Variants in RBFOX1 observed in about 807,000 individuals in gnomAD.
RBFOX1 encodes RNA binding fox-1 homolog 1.
In RBFOX1, 8 loss-of-function variants were observed where a neutral mutation model predicts 57.7. The observed-to-expected ratio is 0.14, with a 90% CI of 0.08 to 0.25. The LOEUF (loss-of-function observed/expected upper bound fraction) is 0.25. Ranked by LOEUF, RBFOX1 falls within the 10% of genes least tolerant of loss-of-function variation. RBFOX1 has a pLI of 1.00. For synonymous variants in RBFOX1, 326 were observed against 222.4 expected (o/e 1.47, Z -4.15); for missense variants, 611 against 548.5 (o/e 1.11, Z -1.14).
chr16:7,141,156 G>A (rs2073671574), intron 4 of RBFOX1, among the ~76,000 whole-genome samples: 1 of 152,126 alleles, frequency 6.6e-6, no homozygotes, highest in South Asian at 2.1e-4. Context: ...GTCTAGACTT[G>A]CAGTCAGCTG....
Position 7,064,996 on chromosome 16 carries a change from A to G in RBFOX1, c.27+12898A>G, listed in dbSNP as rs138546488. Reference sequence around the variant, plus strand: ...TCCCTGTGTGTCACCACCACATACAACAAATCAGATGGACGCAGCAATCCT... The same window carrying G: ...TCCCTGTGTGTCACCACCACATACAGCAAATCAGATGGACGCAGCAATCCT... On this transcript the variant is annotated intron_variant, in intron 4 of 15. Coordinates refer to ENST00000550418, the MANE Select transcript of RBFOX1 (RefSeq NM_018723.4). Among the ~76,000 whole-genome samples the G allele has an allele frequency of 5.5e-3, 839 of 152,302 alleles. 8 individuals are homozygous for G. The highest frequency in any genetic ancestry group is 0.019 in the African/African-American group (789 of 41,582).
intron 4 of RBFOX1, among the ~76,000 whole-genome samples, chr16:7,226,737 C>G (rs963316752): frequency 1.3e-5 from 2 of 152,176 alleles, no homozygotes; most frequent in African/African-American, 2.4e-5. Context: ...CACAGTTAAT[C>G]AAGAGGACTG....
chr16:6,357,009 C>A (rs925950951), intron 2 of RBFOX1, among the ~76,000 whole-genome samples: 5 of 152,070 alleles, frequency 3.3e-5, no homozygotes, highest in African/African-American at 1.2e-4. Flanking sequence ...TGCCCTGGGC[C>A]AAGACTGAAC....
intron 14 of RBFOX1, among the ~76,000 whole-genome samples, chr16:7,678,591 T>G (rs572396628): frequency 1.3e-5 from 2 of 152,116 alleles, no homozygotes; most frequent in African/African-American, 4.8e-5. Flanking sequence ...TTTATCTTGC[T>G]TTTCAGTATA....
intron 4 of RBFOX1, among the ~76,000 whole-genome samples, chr16:7,070,212 C>T (rs200620014): frequency 6.6e-6 from 1 of 152,322 alleles, no homozygotes; most frequent in African/African-American, 2.4e-5. Context: ...TTTGATGGCA[C>T]AGTGTCTTGC....
chr16:7,128,923 C>A (rs555564817), intron 4 of RBFOX1, among the ~76,000 whole-genome samples: 2 of 150,858 alleles, frequency 1.3e-5, no homozygotes, highest in Non-Finnish European at 2.9e-5. Flanking sequence ...TGGGTTCAAG[C>A]CATTCTCCTG....
At chr16:7,056,853 T>C (rs186062503) in intron 4 of RBFOX1, among the ~76,000 whole-genome samples, 214 of 152,276 alleles carry the variant, frequency 1.4e-3, no homozygotes, top group African/African-American at 5.0e-3. Context: ...TGTGACTCTA[T>C]AGTCAGCATA....
rs552763450 is a variant in RBFOX1 at position 5,441,103 on chromosome 16, G to A, written c.220-26113G>A. 2.6e-5 allele frequency among the ~76,000 whole-genome samples: 4 copies of A among 152,278 alleles called. No individual in the cohort carries two copies. The South Asian group carries it at 8.3e-4, about 32-fold the overall frequency. On this transcript the variant is annotated intron_variant, in intron 1 of 2. Transcript: ENST00000585867. ...CCGTGGTTCAGACCTAGAATAATGT[G>A]GTTTGGACTAGTCTGGCTGTGCCCA...
chr16:6,680,925 T>A (rs907809342), intron 3 of RBFOX1, among the ~76,000 whole-genome samples: 1 of 152,238 alleles, frequency 6.6e-6, no homozygotes, highest in African/African-American at 2.4e-5. Context: ...ACAATATAAA[T>A]GCAAATTGAG....
intron 1 of RBFOX1, among the ~76,000 whole-genome samples, chr16:5,248,935 C>G (rs1021654227): frequency 7.8e-6 from 1 of 128,222 alleles, no homozygotes; most frequent in African/African-American, 3.0e-5. Context: ...TTGCAGTGAG[C>G]TGAGATTGTG....
At chr16:6,582,248 T>C (rs1479734027) in intron 2 of RBFOX1, among the ~76,000 whole-genome samples, 1 of 152,244 alleles carries the variant, frequency 6.6e-6, no homozygotes, top group Non-Finnish European at 1.5e-5. Context: ...TAATAGCTCA[T>C]TGAATTTATG....
intron 2 of RBFOX1, among the ~76,000 whole-genome samples, chr16:5,530,469 C>T (rs2044422332): frequency 6.6e-6 from 1 of 152,190 alleles, no homozygotes; most frequent in African/African-American, 2.4e-5. Context: ...ATAGGACATG[C>T]ATTTCACCTC....
intron 1 of RBFOX1, among the ~76,000 whole-genome samples, chr16:6,165,273 A>G (rs1009914105): frequency 1.3e-5 from 2 of 152,200 alleles, no homozygotes; most frequent in Admixed American, 6.6e-5. Context: ...ACAGCTCATT[A>G]TCATTATTGT....
In RBFOX1 at chr16:6,344,753, T is replaced by G. The variant is rs182544211; in HGVS notation, c.-64+27696T>G. ...TCGCCAAGGCTGGAGTGCAGTGATATGATCTCGGCTTACTGCAACCTCCAC... is the reference window on the plus strand; with the variant it reads ...TCGCCAAGGCTGGAGTGCAGTGATAGGATCTCGGCTTACTGCAACCTCCAC... On this transcript the variant is annotated intron_variant, in intron 2 of 15. Transcript: ENST00000550418. Among the ~76,000 whole-genome samples, 352 of 139,740 alleles carry G rather than the reference T, an allele frequency of 2.5e-3. 2 individuals carry two copies. The Middle Eastern group carries it at 0.031, about 12-fold the overall frequency. 91.7% of individuals were successfully genotyped at this position (139,740 alleles called of 152,430 possible).
chr16:6,801,199 C>CAAAAAAAAAA, intron 3 of RBFOX1, among the ~76,000 whole-genome samples: 1 of 91,574 alleles, frequency 1.1e-5, no homozygotes, highest in Non-Finnish European at 2.6e-5. Context: ...ATTGAACATG[C>CAAAAAAAAAA]AAAAAAAAAA....
chr16:6,547,194 C>T (rs1006175115), intron 2 of RBFOX1, among the ~76,000 whole-genome samples: 1 of 152,178 alleles, frequency 6.6e-6, no homozygotes, highest in Non-Finnish European at 1.5e-5. Flanking sequence ...ATAAAATGCT[C>T]TTCCCCCAGA....
intron 3 of RBFOX1, among the ~76,000 whole-genome samples, chr16:6,868,763 A>T (rs1017227062): frequency 4.6e-5 from 7 of 152,078 alleles, no homozygotes; most frequent in African/African-American, 1.7e-4. Flanking sequence ...GAGCCATTGC[A>T]CCCGGCCAGT....
chr16:6,724,278 C>T (rs949150922), intron 3 of RBFOX1, among the ~76,000 whole-genome samples: 8 of 146,484 alleles, frequency 5.5e-5, no homozygotes, highest in African/African-American at 2.0e-4. Flanking sequence ...GGTGCAATCT[C>T]TGCTGACTGT....
chr16:7,643,978 G>A (rs774049056), intron 11 of RBFOX1, among the ~76,000 whole-genome samples: 54 of 152,188 alleles, frequency 3.5e-4, no homozygotes, highest in Non-Finnish European at 6.8e-4. Flanking sequence ...ATGAATTGGG[G>A]CTGGCTCTGT....
Sources: allele counts gnomAD v4.1 joint callset (sites outside exome capture counted in the v4.1 genomes callset), GRCh38; gene constraint gnomAD v4.1.1; transcripts MANE v1.5; gene names NCBI Gene and HGNC (gene_info 2026-07-23, HGNC 2026-07-21).